The following PLCH1 variants were observed in gnomAD, a reference collection of about 807,000 sequenced individuals.
PLCH1 encodes phospholipase C eta 1.
In PLCH1, 60 loss-of-function variants were observed where a neutral mutation model predicts 126.7. The ratio of observed to expected loss-of-function variants is 0.47; its 90% CI spans 0.38 to 0.59. The LOEUF (loss-of-function observed/expected upper bound fraction) is 0.59. Ranked by LOEUF, PLCH1 falls within the 20% of genes least tolerant of loss-of-function variation. PLCH1 has a pLI of 0.00. For synonymous variants in PLCH1, 719 were observed against 734.9 expected, an observed-to-expected ratio of 0.98 and a Z score of 0.35; for missense variants, 1,723 against 2,040.0, an observed-to-expected ratio of 0.84 and a Z score of 2.99.
intron 1 of PLCH1, among the ~76,000 whole-genome samples, chr3:155,744,480 C>A (rs1023865715): frequency 6.6e-6 from 1 of 152,148 alleles, no homozygotes; most frequent in Non-Finnish European, 1.5e-5. Context: ...GAGAGGGTCC[C>A]GGGACCCCGC....
At chr3:155,626,768 C>CAAAAAAA (rs71155058) in intron 2 of PLCH1, among the ~76,000 whole-genome samples, 64 of 49,644 alleles carry the variant, frequency 1.3e-3, no homozygotes, top group Non-Finnish European at 2.0e-3. Context: ...GACTCCGTCT[C>CAAAAAAA]AAAAAAAAAA....
chr3:155,534,374 T>C (rs599043), intron 10 of PLCH1, among the ~76,000 whole-genome samples: 83,559 of 152,216 alleles, frequency 0.55, 27,761 homozygotes, highest in Non-Finnish European at 0.75. Flanking sequence ...GGAGCCTGTA[T>C]CTCCTTTGTT....
In PLCH1 at chr3:155,674,299, C is replaced by T. The variant is rs116155645; in HGVS notation, c.79+29847G>A. Among the ~76,000 whole-genome samples the T allele has an allele frequency of 5.2e-3, 799 of 152,216 alleles. 8 individuals carry two copies. Among genetic ancestry groups the T allele is most frequent in the African/African-American group, 0.018 (755 of 41,532 alleles). Reference sequence around the variant, plus strand: ...CACAAATACAAAATATAGGAGCAAACATGGGCTTTATACTTCATGGTCTTC... The same window carrying T: ...CACAAATACAAAATATAGGAGCAAATATGGGCTTTATACTTCATGGTCTTC... On this transcript the variant is annotated intron_variant, in intron 2 of 22. Coordinates refer to ENST00000460012, the MANE Select transcript of PLCH1 (RefSeq NM_014996.4).
intron 2 of PLCH1, among the ~76,000 whole-genome samples, chr3:155,671,106 ACAGAGCTG>A (rs1743391957): frequency 6.6e-6 from 1 of 152,216 alleles, no homozygotes; most frequent in South Asian, 2.1e-4. Flanking sequence ...AAGAGAGGGA[ACAGAGCTG>A]CAAGTCCAGG....
Position 155,488,126 on chromosome 3 carries a change from G to A in PLCH1, c.2540-19C>T. 1 of 1,545,762 alleles carries A rather than the reference G, an allele frequency of 6.5e-7. No homozygotes were observed. Among genetic ancestry groups the A allele is most frequent in the Non-Finnish European group, 8.9e-7 (1 of 1,117,980 alleles). Reference sequence around the variant, plus strand: ...CGGTAGCCTGATAAAAGGAAAGAGAGTCGTTTCTTTTTAGTTGAACTTGCA... The same window carrying A: ...CGGTAGCCTGATAAAAGGAAAGAGAATCGTTTCTTTTTAGTTGAACTTGCA... On this transcript the variant is annotated intron_variant, in intron 20 of 22. Coordinates refer to ENST00000460012, the MANE Select transcript of PLCH1 (RefSeq NM_014996.4).
At chr3:155,565,758 C>T (rs1209219576) in intron 7 of PLCH1, among the ~76,000 whole-genome samples, 12 of 150,094 alleles carry the variant, frequency 8.0e-5, no homozygotes, top group Non-Finnish European at 1.5e-4. Flanking sequence ...TGCAATGGCA[C>T]GATCTTGGCT....
chr3:155,487,807 G>A (rs1264973408), intron 21 of PLCH1, among the ~76,000 whole-genome samples: 1 of 152,120 alleles, frequency 6.6e-6, no homozygotes, highest in Non-Finnish European at 1.5e-5. Flanking sequence ...GCCCAGAGAG[G>A]GCCCCTGTAT....
intron 2 of PLCH1, among the ~76,000 whole-genome samples, chr3:155,641,311 T>G (rs539959971): frequency 6.6e-6 from 1 of 152,264 alleles, no homozygotes; most frequent in Non-Finnish European, 1.5e-5. Flanking sequence ...TAACCTGTCT[T>G]TATAGATTTT....
At chr3:155,710,307 A>T (rs978841001) in intron 1 of PLCH1, among the ~76,000 whole-genome samples, 2 of 152,132 alleles carry the variant, frequency 1.3e-5, no homozygotes, top group Non-Finnish European at 2.9e-5. Flanking sequence ...TAAGAGTTTT[A>T]AAAAAATGTA....
intron 2 of PLCH1, among the ~76,000 whole-genome samples, chr3:155,650,282 C>T (rs1449676339): frequency 2.0e-5 from 3 of 152,112 alleles, no homozygotes; most frequent in Non-Finnish European, 4.4e-5. Context: ...CAGGAAAATA[C>T]CCAAACGAAG....
At chr3:155,483,112 C>T (rs1714449563) in intron 22 of PLCH1, 61 bp from the exon 23 acceptor site, 6 of 1,401,748 alleles carry the variant, frequency 4.3e-6, no homozygotes, top group Non-Finnish European at 5.0e-6. Context: ...CCTGCAAACA[C>T]TCATGTTGTC....
chr3:155,737,055 C>G lies in PLCH1; in HGVS notation c.-41+7785G>C, dbSNP rs150594758. Among the ~76,000 whole-genome samples, 372 of 151,670 alleles carry G rather than the reference C, an allele frequency of 2.5e-3. 2 individuals are homozygous for G. The highest frequency in any genetic ancestry group is 8.4e-3 in the African/African-American group (346 of 41,418). Reference sequence around the variant, plus strand: ...GACCAGCCTGGGCAACACGGTGAAACCCCGTCTCTACTAAAATACAAAAGA... The same window carrying G: ...GACCAGCCTGGGCAACACGGTGAAAGCCCGTCTCTACTAAAATACAAAAGA... On this transcript the variant is annotated intron_variant, in intron 1 of 22. Transcript: ENST00000460012.
At chr3:155,532,062 C>T (rs953569950) in intron 10 of PLCH1, among the ~76,000 whole-genome samples, 3 of 152,186 alleles carry the variant, frequency 2.0e-5, no homozygotes, top group African/African-American at 7.2e-5. Context: ...GCACAAGAGG[C>T]CCAGCTTTCA....
chr3:155,519,467 C>T (rs1044456112), intron 11 of PLCH1, among the ~76,000 whole-genome samples: 3 of 152,068 alleles, frequency 2.0e-5, no homozygotes, highest in South Asian at 4.1e-4. Flanking sequence ...GCTAAATCAT[C>T]GCTGAATATG....
At chr3:155,556,743 A>G (rs544909283) in intron 8 of PLCH1, among the ~76,000 whole-genome samples, 7 of 152,340 alleles carry the variant, frequency 4.6e-5, no homozygotes, top group Admixed American at 2.0e-4. Flanking sequence ...TCAAGGATAA[A>G]TTCTCAACAC....
At chr3:155,466,070 G>A (rs1214798760) in intron 21 of PLCH1, among the ~76,000 whole-genome samples, 2 of 152,216 alleles carry the variant, frequency 1.3e-5, no homozygotes, top group East Asian at 3.9e-4. Context: ...TCACCGCCCT[G>A]AAAGGTGGGA....
chr3:155,481,054 C>T lies in PLCH1; in HGVS notation c.4972G>A (p.Asp1658Asn). The T allele has an allele frequency of 1.9e-6, 3 of 1,613,918 alleles. No homozygotes were observed. Among genetic ancestry groups the T allele is most frequent in the Non-Finnish European group, 2.5e-6 (3 of 1,179,776 alleles). Reference sequence around the variant, plus strand: ...ACAGAATTATCTGAACAAAACTGGTCAACGTGGCCATAGTGAAGAGCCGTG... The same window carrying T: ...ACAGAATTATCTGAACAAAACTGGTTAACGTGGCCATAGTGAAGAGCCGTG... ...ACTALHYGHV[D>N]QFCSDNSVLQ... The change falls in exon 23 of 23, where the codon GAC becomes AAC. Residue 1658 changes from aspartate to asparagine, a missense_variant. This residue lies in a region of PLCH1 where 947 missense variants were observed against 977.1 expected (regional missense o/e 0.97). Transcript: ENST00000460012. This position sits in a 1 kb window ranked among gnomAD's most constrained non-coding sequence, Gnocchi z 4.2.
chr3:155,701,511 G>A lies in PLCH1; in HGVS notation c.79+2635C>T, dbSNP rs147277813. Among the ~76,000 whole-genome samples, 664 of 152,222 alleles carry A rather than the reference G, an allele frequency of 4.4e-3. 6 individuals are homozygous for A. Among genetic ancestry groups the A allele is most frequent in the Admixed American group, 0.021 (319 of 15,300 alleles). ...TTCCAAAAGTCTATTATTCTGCACGGGAAATGGTTCTTTTCCATTTATGGA... is the reference window on the plus strand; with the variant it reads ...TTCCAAAAGTCTATTATTCTGCACGAGAAATGGTTCTTTTCCATTTATGGA... On this transcript the variant is annotated intron_variant, in intron 2 of 22. Transcript: ENST00000460012.
At chr3:155,684,958 A>C (rs1375793144) in intron 2 of PLCH1, among the ~76,000 whole-genome samples, 1 of 152,190 alleles carries the variant, frequency 6.6e-6, no homozygotes, top group Non-Finnish European at 1.5e-5. Flanking sequence ...TCTGCCTAAG[A>C]CAACAGAAAA....
Sources: gnomAD v4.1 joint callset for allele counts (sites outside exome capture counted in the v4.1 genomes callset) on GRCh38, gnomAD v4.1.1 for gene constraint, gnomAD v4.1.1 regional missense constraint, Gnocchi (gnomAD v3.1) non-coding constraint, MANE v1.5 for transcripts, NCBI Gene and HGNC (gene_info 2026-07-23, HGNC 2026-07-21) for gene names.